The following RYR3 variants were observed in gnomAD, a reference collection of about 807,000 sequenced individuals.
RYR3 encodes the protein brain ryanodine receptor-calcium release channel.
In RYR3, 207 loss-of-function variants were observed where a neutral mutation model predicts 584.3. The ratio of observed to expected loss-of-function variants is 0.35; its 90% CI spans 0.32 to 0.40. The LOEUF is 0.40. Ranked by LOEUF, RYR3 falls within the 10% of genes least tolerant of loss-of-function variation. The pLI, the probability that RYR3 is intolerant of heterozygous loss-of-function variation, is 1.00. For missense variants in RYR3, 5,616 were observed against 6,089.2 expected, an observed-to-expected ratio of 0.92 and a Z score of 2.59; for synonymous variants, 2,416 against 2,248.5, an observed-to-expected ratio of 1.07 and a Z score of -2.11.
chr15:33,601,292 T>G, intron 16 of RYR3, 127 bp from the exon 17 acceptor site: 3 of 883,438 alleles, frequency 3.4e-6, no homozygotes, highest in Non-Finnish European at 5.2e-6. Flanking sequence ...TCCTTGGCTC[T>G]GAGCTGGCTC....
Position 33,820,306 on chromosome 15 carries a change from A to G in RYR3, c.10759-450A>G, listed in dbSNP as rs75989976. Among the ~76,000 whole-genome samples the G allele has an allele frequency of 2.3e-3, 352 of 152,308 alleles. 10 individuals carry two copies. In the East Asian group the frequency reaches 0.056, roughly 24 times the overall value. On this transcript the variant is annotated intron_variant, in intron 77 of 103. Transcript: ENST00000634891. ...GATGTGTTGGGGTATAGGAGCACCT[A>G]TTCCTTGATCTAGCTGTACCACAGG...
intron 16 of RYR3, among the ~76,000 whole-genome samples, chr15:33,595,652 C>T (rs1026048371): frequency 6.6e-6 from 1 of 152,098 alleles, no homozygotes; most frequent in African/African-American, 2.4e-5. Flanking sequence ...TGATTGACAT[C>T]TTCTATCGGG....
At chr15:33,442,930 A>C (rs1462044998) in intron 1 of RYR3, among the ~76,000 whole-genome samples, 1 of 152,210 alleles carries the variant, frequency 6.6e-6, no homozygotes, top group African/African-American at 2.4e-5. Context: ...ATTTCCAGAC[A>C]CATTAGAAGG....
chr15:33,364,468 C>A (rs1975201792), intron 1 of RYR3, among the ~76,000 whole-genome samples: 2 of 152,222 alleles, frequency 1.3e-5, no homozygotes, highest in South Asian at 4.1e-4. Flanking sequence ...TCTACATCTT[C>A]ATTTTATCCA....
chr15:33,532,844 G>A (rs544811787), intron 4 of RYR3, among the ~76,000 whole-genome samples: 1 of 152,270 alleles, frequency 6.6e-6, no homozygotes, highest in East Asian at 1.9e-4. Context: ...GCTGGGCATA[G>A]GGTGGTTCAC....
In RYR3 at chr15:33,694,491, A is replaced by G. The variant is rs920558322; in HGVS notation, c.5861-1727A>G. ...CTTCTCCTGACCTCGTGATCCACCC[A>G]CCTCGGCCTCCCAAAGTGCTGGGAT... On this transcript the variant is annotated intron_variant, in intron 38 of 103. Transcript: ENST00000634891. Among the ~76,000 whole-genome samples the G allele has an allele frequency of 5.3e-5, 8 of 151,974 alleles. No individual in the cohort carries two copies. The East Asian group carries it at 9.7e-4, about 18-fold the overall frequency.
intron 1 of RYR3, among the ~76,000 whole-genome samples, chr15:33,402,170 T>G (rs1047604972): frequency 6.6e-6 from 1 of 152,228 alleles, no homozygotes; most frequent in African/African-American, 2.4e-5. Context: ...ATCATAGATA[T>G]TTTGTACAAT....
chr15:33,824,089 C>A (rs67454797), intron 81 of RYR3, among the ~76,000 whole-genome samples: 11,411 of 152,144 alleles, frequency 0.075, 535 homozygotes, highest in Middle Eastern at 0.11. Context: ...TCCAGGCCTG[C>A]CTCTCTGAAG....
intron 66 of RYR3, among the ~76,000 whole-genome samples, chr15:33,786,844 G>T (rs2074756534): frequency 6.6e-6 from 1 of 152,164 alleles, no homozygotes; most frequent in Non-Finnish European, 1.5e-5. Flanking sequence ...AGGAATCAGT[G>T]TCCTTCTGCA....
intron 1 of RYR3, among the ~76,000 whole-genome samples, chr15:33,384,520 A>G (rs1259560020): frequency 1.4e-5 from 2 of 146,602 alleles, no homozygotes; most frequent in Non-Finnish European, 3.0e-5. Flanking sequence ...AATTAATAAT[A>G]TAATAATATT....
chr15:33,525,608 G>T (rs1192469883), intron 3 of RYR3, among the ~76,000 whole-genome samples: 1 of 152,112 alleles, frequency 6.6e-6, no homozygotes, highest in African/African-American at 2.4e-5. Context: ...GATTTTAAAG[G>T]TTGCCTTCAC....
At position 33,598,018 on chromosome 15, in the gene RYR3, G is replaced by A. The variant is rs1037261030; in HGVS notation, c.1789-3401G>A. On this transcript the variant is annotated intron_variant, in intron 16 of 103. Transcript: ENST00000634891. The stretch of plus-strand genomic sequence containing the variant: ...TTGCACATTAAGGGAAACAACTCAA[G>A]TGAAAATCAAATAGCAAAATTTACA... Among the ~76,000 whole-genome samples the A allele has an allele frequency of 9.9e-5, 15 of 151,802 alleles. No individual in the cohort carries two copies. In the South Asian group the frequency reaches 2.9e-3, roughly 29 times the overall value.
chr15:33,789,742 T>A (rs1303833899), intron 67 of RYR3, among the ~76,000 whole-genome samples: 1 of 122,020 alleles, frequency 8.2e-6, no homozygotes, highest in East Asian at 2.7e-4. Context: ...TGGCGCAATC[T>A]CGGCTCACTG....
intron 60 of RYR3, among the ~76,000 whole-genome samples, chr15:33,760,556 A>G (rs1278108170): frequency 1.3e-5 from 2 of 152,248 alleles, no homozygotes; most frequent in Admixed American, 6.5e-5. Context: ...AGAGCTAACT[A>G]TCCTAAATAT....
Position 33,841,905 on chromosome 15 carries a change from A to G in RYR3, c.13079A>G (p.Glu4360Gly). ...GEKEDKDKEE[E>G]QAEYLWTEVT... ...AAGGAAGACAAAGACAAAGAAGAGG[A>G]GCAAGCTGAGTACCTGTGGACAGAA... The change falls in exon 91 of 104, where the codon GAG (glutamate) becomes GGG (glycine). Residue 4360 changes from glutamate (E) to glycine (G), a missense_variant. By Grantham distance (98) the Glu-to-Gly change is moderately conservative (BLOSUM62 -2). Coordinates refer to ENST00000634891, the MANE Select transcript of RYR3 (RefSeq NM_001036.6). 1 of 1,596,830 alleles carries G rather than the reference A, an allele frequency of 6.3e-7. No individual in the cohort carries two copies.
At chr15:33,604,167 C>A (rs1461175116) in intron 18 of RYR3, among the ~76,000 whole-genome samples, 1 of 152,372 alleles carries the variant, frequency 6.6e-6, no homozygotes, top group South Asian at 2.1e-4. Context: ...AAATCCCTTA[C>A]GTAAGCATTG....
rs577419178 is a variant in RYR3 at position 33,637,976 on chromosome 15, C to T, written c.3556+1426C>T. ...GCTCCCCCCATCCCACAACAGGCCC[C>T]GGTGTGTGATGTTCCCCTTCCTGTG... On this transcript the variant is annotated intron_variant, in intron 27 of 103. Transcript: ENST00000634891. Among the ~76,000 whole-genome samples the T allele has an allele frequency of 2.7e-3, 404 of 152,150 alleles. 1 individual carries two copies. The highest frequency in any genetic ancestry group is 4.4e-3 in the Non-Finnish European group (302 of 68,002).
At chr15:33,725,993 A>AAAC (rs1488766911) in intron 45 of RYR3, among the ~76,000 whole-genome samples, 27,888 of 78,600 alleles carry the variant, frequency 0.35, 7,962 homozygotes, top group Admixed American at 0.43. Flanking sequence ...AAAAAAAAAA[A>AAAC]AAAACAGAAT....
chr15:33,623,254 A>G (rs1208799154), intron 19 of RYR3, among the ~76,000 whole-genome samples: 1 of 152,240 alleles, frequency 6.6e-6, no homozygotes, highest in Non-Finnish European at 1.5e-5. Context: ...TCCACAGTGT[A>G]ACATTTTTAA....
Sources: allele counts gnomAD v4.1 joint callset (sites outside exome capture counted in the v4.1 genomes callset), GRCh38; gene constraint gnomAD v4.1.1; transcripts MANE v1.5; gene names NCBI Gene and HGNC (gene_info 2026-07-23, HGNC 2026-07-21).